The following SDK1 variants were observed in gnomAD, a reference collection of about 807,000 sequenced individuals.
SDK1 encodes the protein protein sidekick-1.
In SDK1, 157 loss-of-function variants were observed where a neutral mutation model predicts 245.5. The observed-to-expected ratio is 0.64, with a 90% CI of 0.56 to 0.73. The LOEUF (loss-of-function observed/expected upper bound fraction) is 0.73, where lower values mean the gene tolerates loss of function less well. Ranked by LOEUF, SDK1 falls within the 30% of genes least tolerant of loss-of-function variation. The pLI is 0.00. For synonymous variants in SDK1, 1,647 were observed against 1,278.5 expected, an observed-to-expected ratio of 1.29 and a Z score of -6.15; for missense variants, 3,583 against 3,002.3, an observed-to-expected ratio of 1.19 and a Z score of -4.52.
At position 4,127,622 on chromosome 7, in the gene SDK1, G is replaced by A; in HGVS notation, c.3939+126G>A. 6 of 688,522 alleles carry A rather than the reference G, an allele frequency of 8.7e-6. No homozygotes were observed. In the South Asian group the frequency reaches 1.1e-4, roughly 12 times the overall value. The allele number at this position is 688,522 out of a possible 1,614,324, so 42.7% of individuals were successfully genotyped here. A position where few individuals can be genotyped will look rare whatever the true frequency, so the allele number is the denominator to read the frequency against. On this transcript the variant is annotated intron_variant, in intron 26 of 44. Coordinates refer to ENST00000404826, the MANE Select transcript of SDK1 (RefSeq NM_152744.4). ...AGATCTGCAGCGTCAGCCAGTTTGT[G>A]ATTTTTATTAAGATATTCAGTTGTC...
chr7:3,874,566 C>A (rs1294176826), intron 5 of SDK1, among the ~76,000 whole-genome samples: 1 of 152,140 alleles, frequency 6.6e-6, no homozygotes, highest in African/African-American at 2.4e-5. Context: ...GCATATATTC[C>A]CGCCTCCCTT....
chr7:3,453,125 G>C (rs1009402546), intron 1 of SDK1, among the ~76,000 whole-genome samples: 6 of 151,898 alleles, frequency 4.0e-5, no homozygotes, highest in South Asian at 2.1e-4. Flanking sequence ...ACTTTGAGCA[G>C]TTTAACCCCC....
chr7:4,195,895 C>T (rs75243880), intron 35 of SDK1, among the ~76,000 whole-genome samples: 6,445 of 152,218 alleles, frequency 0.042, 196 homozygotes, highest in African/African-American at 0.074. Flanking sequence ...TGCCTCCACC[C>T]ACCCCAAAAT....
intron 17 of SDK1, among the ~76,000 whole-genome samples, chr7:4,027,075 A>C (rs1377684480): frequency 6.6e-6 from 1 of 152,220 alleles, no homozygotes; most frequent in Non-Finnish European, 1.5e-5. Flanking sequence ...TGCTTCTTGC[A>C]TCGTGGGGTA....
rs1409562182 is a variant in SDK1, at chr7:4,051,698, T to C, written c.2779T>C (p.Phe927Leu). The C allele has an allele frequency of 3.1e-6, 5 of 1,613,666 alleles. No homozygotes were observed. The East Asian group carries it at 8.9e-5, about 29-fold the overall frequency. Residue 927 changes from phenylalanine to leucine, a missense_variant, in exon 19 of 45, where the codon TTC becomes CTC. Transcript: ENST00000404826. ...CACTGTGGTCACTATTGCCCCAGAT[T>C]TCCACGGAGTCCACCATGGACACAT... is the stretch of plus-strand genomic sequence containing the variant. ...AVTVVTIAPD[F>L]HGVHHGHITN... is the part of the protein sequence containing the mutation.
chr7:4,229,572 G>C (rs1348903904), intron 40 of SDK1, among the ~76,000 whole-genome samples: 1 of 152,140 alleles, frequency 6.6e-6, no homozygotes, highest in Non-Finnish European at 1.5e-5. Context: ...TACAGGAAGG[G>C]AGAATCATTT....
chr7:4,049,542 T>C, intron 18 of SDK1, 79 bp downstream of exon 18: 2 of 1,054,094 alleles, frequency 1.9e-6, no homozygotes, highest in Non-Finnish European at 2.9e-6. Flanking sequence ...AGGCACCCCC[T>C]CTTGTGTATC....
In SDK1 at chr7:4,221,246, G is replaced by C. The variant is rs148962167; in HGVS notation, c.5709G>C (p.Pro1903=). 1.2e-6 allele frequency: 2 copies of C among 1,613,406 alleles called. No individual in the cohort carries two copies. Among genetic ancestry groups the C allele is most frequent in the Admixed American group, 3.3e-5 (2 of 60,016 alleles). The change falls in exon 40 of 45, where the codon CCG becomes CCC. Residue 1903 remains proline, a synonymous_variant. Coordinates refer to ENST00000404826, the MANE Select transcript of SDK1 (RefSeq NM_152744.4). The part of the protein sequence containing the change: ...NITAGPAEGS[P]GSPRDVLVTK... ...TTCTTCTTTATCCCGCAGGATCCCC[G>C]GGCTCGCCTAGAGATGTCCTGGTCA...
chr7:3,400,427 G>A (rs73296377), intron 1 of SDK1, among the ~76,000 whole-genome samples: 33 of 152,018 alleles, frequency 2.2e-4, no homozygotes, highest in Non-Finnish European at 2.9e-4. Context: ...CCCCAACTTC[G>A]AATGGATGAA....
intron 6 of SDK1, among the ~76,000 whole-genome samples, chr7:3,951,498 G>A (rs1403513708): frequency 6.6e-6 from 1 of 152,176 alleles, no homozygotes; most frequent in Non-Finnish European, 1.5e-5. Context: ...ATGGTCCATT[G>A]CTGCGGCAAT....
chr7:3,977,813 T>C (rs1244728323), intron 13 of SDK1, among the ~76,000 whole-genome samples: 1 of 152,230 alleles, frequency 6.6e-6, no homozygotes, highest in Non-Finnish European at 1.5e-5. Context: ...TAGTATTTGT[T>C]GTATAACCGT....
At chr7:3,601,382 T>C (rs2128638853) in intron 1 of SDK1, among the ~76,000 whole-genome samples, 1 of 152,298 alleles carries the variant, frequency 6.6e-6, no homozygotes, top group South Asian at 2.1e-4. Context: ...AAATTATAAA[T>C]TCAATTTCTT....
intron 4 of SDK1, among the ~76,000 whole-genome samples, chr7:3,675,480 A>G (rs1358700956): frequency 1.3e-5 from 2 of 152,296 alleles, no homozygotes; most frequent in East Asian, 3.9e-4. Flanking sequence ...CATTCACATT[A>G]AATGCTGGAG....
At chr7:4,005,393 A>AGAGTGT (rs756210975) in intron 14 of SDK1, among the ~76,000 whole-genome samples, 178 of 129,904 alleles carry the variant, frequency 1.4e-3, no homozygotes, top group African/African-American at 4.7e-3. Context: ...TTCTTATGTG[A>AGAGTGT]GTGTGTGTGT....
chr7:4,234,158 G>A (rs566929725), intron 41 of SDK1, among the ~76,000 whole-genome samples: 4 of 152,320 alleles, frequency 2.6e-5, no homozygotes, highest in African/African-American at 7.2e-5. Context: ...CGGAGGGGCC[G>A]GGGATAGTAG....
intron 5 of SDK1, among the ~76,000 whole-genome samples, chr7:3,916,838 C>T (rs183402259): frequency 5.3e-5 from 8 of 151,902 alleles, no homozygotes; most frequent in Non-Finnish European, 1.2e-4. Context: ...GATAGATAGA[C>T]AGACAGATTG....
intron 19 of SDK1, among the ~76,000 whole-genome samples, chr7:4,060,219 T>C (rs1169913043): frequency 6.6e-6 from 1 of 152,102 alleles, no homozygotes; most frequent in African/African-American, 2.4e-5. Context: ...AAATACGACA[T>C]ACAGAAACCT....
At chr7:4,162,648 C>T (rs1156968866) in intron 32 of SDK1, among the ~76,000 whole-genome samples, 1 of 152,104 alleles carries the variant, frequency 6.6e-6, no homozygotes, top group African/African-American at 2.4e-5. Context: ...GATCCACCCA[C>T]CTCAGCCTCC....
intron 5 of SDK1, among the ~76,000 whole-genome samples, chr7:3,837,893 A>C (rs1780061804): frequency 5.9e-5 from 9 of 152,244 alleles, no homozygotes; most frequent in Admixed American, 4.6e-4. Flanking sequence ...CAAACTGGCC[A>C]CATGACCCAT....
Sources: gnomAD v4.1 joint callset for allele counts (sites outside exome capture counted in the v4.1 genomes callset) on GRCh38, gnomAD v4.1.1 for gene constraint, MANE v1.5 for transcripts, NCBI Gene and HGNC (gene_info 2026-07-23, HGNC 2026-07-21) for gene names.